Variants in TRAPPC9 observed in about 807,000 individuals in gnomAD.
The protein encoded by TRAPPC9 is IKK2 binding protein.
TRAPPC9 carries 83 observed loss-of-function variants against 124.0 expected under a neutral mutation model. The ratio of observed to expected loss-of-function variants is 0.67; its 90% CI spans 0.56 to 0.80. The LOEUF is 0.80. Among genes scored for constraint, TRAPPC9 ranks in the 30% least tolerant of loss-of-function variants. TRAPPC9 has a pLI of 0.00. For synonymous variants in TRAPPC9, 638 were observed against 617.5 expected, an observed-to-expected ratio of 1.03 and a Z score of -0.49; for missense variants, 1,302 against 1,508.3, an observed-to-expected ratio of 0.86 and a Z score of 2.27.
chr8:139,997,483 ATG>A (rs1563676494), intron 18 of TRAPPC9, among the ~76,000 whole-genome samples: 2 of 77,600 alleles, frequency 2.6e-5, no homozygotes, highest in Non-Finnish European at 7.5e-5. Flanking sequence ...AGGGGAGACA[ATG>A]CATTCCACAC....
At chr8:140,083,864 A>C (rs1844012032) in intron 17 of TRAPPC9, among the ~76,000 whole-genome samples, 1 of 152,034 alleles carries the variant, frequency 6.6e-6, no homozygotes, top group African/African-American at 2.4e-5. Flanking sequence ...ATGGGGTTTC[A>C]CCATGTTGAC....
In TRAPPC9 at chr8:140,287,738, A is replaced by C. The variant is rs764112284; in HGVS notation, c.1855-4T>G. 5.6e-5 allele frequency: 91 copies of C among 1,614,142 alleles called. No homozygotes were observed. In the East Asian group the frequency reaches 2.0e-3, roughly 36 times the overall value. On this transcript the variant is annotated splice_region_variant and splice_polypyrimidine_tract_variant and intron_variant, in intron 12 of 22. Coordinates refer to ENST00000438773, the MANE Select transcript of TRAPPC9 (RefSeq NM_001160372.4). ...CCACTCCGCTGGTGAGCAGCCCCTA[A>C]ACCAAGCGACGCAGCATCGTAAGCC...
chr8:140,107,849 G>A (rs1421785877), intron 17 of TRAPPC9, among the ~76,000 whole-genome samples: 2 of 149,738 alleles, frequency 1.3e-5, no homozygotes, highest in African/African-American at 5.0e-5. Flanking sequence ...GACTCAATCT[G>A]TGCAGGGCAG....
intron 17 of TRAPPC9, among the ~76,000 whole-genome samples, chr8:140,166,714 G>T (rs1400476736): frequency 6.6e-6 from 1 of 152,244 alleles, no homozygotes; most frequent in Non-Finnish European, 1.5e-5. Flanking sequence ...AGGCAGCTCT[G>T]CGGAATGGGA....
chr8:140,366,334 T>C (rs1275060202), intron 8 of TRAPPC9, among the ~76,000 whole-genome samples: 1 of 152,188 alleles, frequency 6.6e-6, no homozygotes, highest in Non-Finnish European at 1.5e-5. Flanking sequence ...AGGCTTACTA[T>C]AAAACTATAG....
chr8:140,181,425 TAA>T (rs780713679), intron 17 of TRAPPC9, among the ~76,000 whole-genome samples: 16 of 152,190 alleles, frequency 1.1e-4, no homozygotes, highest in Non-Finnish European at 1.9e-4. Flanking sequence ...GACGTCCAGT[TAA>T]GTTTTGTTGG....
intron 18 of TRAPPC9, among the ~76,000 whole-genome samples, chr8:140,011,192 T>G (rs377059704): frequency 2.0e-5 from 3 of 151,744 alleles, no homozygotes; most frequent in African/African-American, 7.2e-5. Context: ...ATACAAAAAT[T>G]AGCTGGGCGT....
At chr8:140,452,046 G>T (rs190781985) in intron 1 of TRAPPC9, among the ~76,000 whole-genome samples, 4 of 151,754 alleles carry the variant, frequency 2.6e-5, no homozygotes, top group African/African-American at 9.7e-5. Context: ...ACTGGAACCC[G>T]GGAGGTGAAA....
chr8:139,877,878 C>T (rs181903080), intron 21 of TRAPPC9, among the ~76,000 whole-genome samples: 191 of 152,330 alleles, frequency 1.3e-3, no homozygotes, highest in African/African-American at 4.3e-3. Flanking sequence ...AGACTCACCA[C>T]GAGGGTGCAG....
intron 21 of TRAPPC9, among the ~76,000 whole-genome samples, chr8:139,862,114 T>C (rs974215552): frequency 1.3e-5 from 2 of 152,236 alleles, no homozygotes; most frequent in African/African-American, 4.8e-5. Flanking sequence ...TGGTCCATTT[T>C]ACAGATTCAG....
intron 4 of TRAPPC9, among the ~76,000 whole-genome samples, chr8:140,427,019 A>C (rs902233129): frequency 3.3e-5 from 5 of 150,274 alleles, no homozygotes; most frequent in Non-Finnish European, 5.9e-5. Flanking sequence ...TCTGCCTCCC[A>C]GGTTCCAGCA....
intron 17 of TRAPPC9, among the ~76,000 whole-genome samples, chr8:140,125,333 G>A (rs998172195): frequency 3.3e-5 from 5 of 152,216 alleles, no homozygotes; most frequent in Non-Finnish European, 4.4e-5. Flanking sequence ...CTCAGCAGAC[G>A]GCTGCGGTGA....
intron 7 of TRAPPC9, among the ~76,000 whole-genome samples, chr8:140,378,188 T>C (rs2068501466): frequency 6.6e-6 from 1 of 152,110 alleles, no homozygotes; most frequent in East Asian, 1.9e-4. Context: ...CCTCTTTGGA[T>C]TGGTTTTGTT....
intron 5 of TRAPPC9, among the ~76,000 whole-genome samples, chr8:140,413,426 G>T (rs2069779706): frequency 6.6e-6 from 1 of 150,892 alleles, no homozygotes. Flanking sequence ...TCATCATCTG[G>T]ACACCATGAT....
chr8:139,952,722 T>C (rs961116178), intron 19 of TRAPPC9, among the ~76,000 whole-genome samples: 7 of 152,216 alleles, frequency 4.6e-5, no homozygotes, highest in Non-Finnish European at 7.3e-5. Flanking sequence ...GGAAAGCAGC[T>C]GTGGCAGTCG....
chr8:139,828,679 C>T (rs1245896519), intron 21 of TRAPPC9, among the ~76,000 whole-genome samples: 5 of 152,284 alleles, frequency 3.3e-5, no homozygotes, highest in South Asian at 4.1e-4. Context: ...ACAAGGTCAT[C>T]GACACATCAT....
In TRAPPC9 at chr8:139,917,167, C is replaced by CTTTTTTTTTTTTTTTTTTTTTTTTTTTT. The variant is rs71318317; in HGVS notation, c.2811-6868_2811-6867insAAAAAAAAAAAAAAAAAAAAAAAAAAAA. ...AGAAATCCTTCTTCATTATTATTTTCTTTTTTTTTTTTTTTTTTTTTGTTG... is the reference window on the plus strand; with the variant it reads ...AGAAATCCTTCTTCATTATTATTTTCTTTTTTTTTTTTTTTTTTTTTTTTTTTTTTTTTTTTTTTTTTTTTTTTTGTTG... On this transcript the variant is annotated intron_variant, in intron 19 of 22. Coordinates refer to ENST00000438773, the MANE Select transcript of TRAPPC9 (RefSeq NM_001160372.4). Among the ~76,000 whole-genome samples, 13 of 99,926 alleles carry CTTTTTTTTTTTTTTTTTTTTTTTTTTTT rather than the reference C, an allele frequency of 1.3e-4. 1 individual carries two copies. The highest frequency in any genetic ancestry group is 2.5e-4 in the Admixed American group (2 of 8,082). The allele number at this position is 99,926 out of a possible 152,430, so 65.6% of individuals were successfully genotyped here.
chr8:140,375,815 A>G (rs1291245423), intron 7 of TRAPPC9, among the ~76,000 whole-genome samples: 1 of 152,208 alleles, frequency 6.6e-6, no homozygotes, highest in Non-Finnish European at 1.5e-5. Flanking sequence ...TGCAGTGATC[A>G]GAAGAACAAG....
At chr8:139,880,479 C>T (rs745742174) in intron 21 of TRAPPC9, among the ~76,000 whole-genome samples, 2 of 152,150 alleles carry the variant, frequency 1.3e-5, no homozygotes, top group African/African-American at 2.4e-5. Flanking sequence ...GCTGGGGTCC[C>T]GTTTAAGGTT....
Sources: allele counts gnomAD v4.1 joint callset (sites outside exome capture counted in the v4.1 genomes callset), GRCh38; gene constraint gnomAD v4.1.1; transcripts MANE v1.5; gene names NCBI Gene and HGNC (gene_info 2026-07-23, HGNC 2026-07-21).